The following POU6F2 variants were observed in gnomAD, a reference collection of about 807,000 sequenced individuals.
POU6F2 encodes the protein POU domain, class 6, transcription factor 2.
In POU6F2, 31 loss-of-function variants were observed where a neutral mutation model predicts 71.3. The ratio of observed to expected loss-of-function variants is 0.43; its 90% CI spans 0.33 to 0.59. The LOEUF (loss-of-function observed/expected upper bound fraction) is 0.59. Among genes scored for constraint, POU6F2 ranks in the 20% least tolerant of loss-of-function variants. The probability of loss-of-function intolerance (pLI) is 0.04; values close to 1 mark genes in which losing one functional copy is unlikely to be tolerated. For synonymous variants in POU6F2, 347 were observed against 355.7 expected (o/e 0.98, Z 0.27); for missense variants, 783 against 856.8 (o/e 0.91, Z 1.07).
chr7:39,049,357 A>G (rs1301351103), intron 1 of POU6F2, among the ~76,000 whole-genome samples: 1 of 151,964 alleles, frequency 6.6e-6, no homozygotes, highest in Non-Finnish European at 1.5e-5. Context: ...AATGCATGAT[A>G]TACATATTTT....
At chr7:39,060,219 A>AG (rs1290157620) in intron 1 of POU6F2, among the ~76,000 whole-genome samples, 1 of 152,070 alleles carries the variant, frequency 6.6e-6, no homozygotes, top group Non-Finnish European at 1.5e-5. Flanking sequence ...AAAAAAAAAA[A>AG]GAAGCCAAAC....
Position 39,256,414 on chromosome 7 carries a change from G to A in POU6F2, c.598+48794G>A, listed in dbSNP as rs371922668. Among the ~76,000 whole-genome samples, 13 of 152,250 alleles carry A rather than the reference G, an allele frequency of 8.5e-5. 1 individual carries two copies. The highest frequency in any genetic ancestry group is 4.6e-4 in the Admixed American group (7 of 15,302). ...AGGGACAGTACTAATTCTTTAGGGG[G>A]AAAGAGGTGAGCTGGGAAGATCAGA... On this transcript the variant is annotated intron_variant, in intron 4 of 9. Transcript: ENST00000518318.
At chr7:39,118,882 C>T (rs763818463) in intron 2 of POU6F2, among the ~76,000 whole-genome samples, 5 of 152,038 alleles carry the variant, frequency 3.3e-5, no homozygotes, top group African/African-American at 1.2e-4. Context: ...AACAAAAGGG[C>T]GTATATCAGG....
intron 1 of POU6F2, among the ~76,000 whole-genome samples, chr7:39,018,712 CA>C (rs1335670629): frequency 5.9e-5 from 9 of 151,948 alleles, no homozygotes; most frequent in African/African-American, 2.2e-4. Flanking sequence ...CACTATAAAA[CA>C]AAATAGAATA....
chr7:39,222,444 G>T (rs1290470818), intron 4 of POU6F2, among the ~76,000 whole-genome samples: 1 of 152,140 alleles, frequency 6.6e-6, no homozygotes, highest in Non-Finnish European at 1.5e-5. Flanking sequence ...ATTTTTAAGT[G>T]TACAGTTCTG....
At chr7:39,386,117 CAAAAAAAAAA>C (rs531818996) in intron 5 of POU6F2, among the ~76,000 whole-genome samples, 2 of 91,304 alleles carry the variant, frequency 2.2e-5, no homozygotes, top group Non-Finnish European at 4.6e-5. Flanking sequence ...GACTCCGTCT[CAAAAAAAAAA>C]AAAAAAAAGA....
rs953550918 is a variant in POU6F2 at position 39,296,532 on chromosome 7, G to T, written c.599-43110G>T. On this transcript the variant is annotated intron_variant, in intron 4 of 9. Coordinates refer to ENST00000518318, the MANE Select transcript of POU6F2 (RefSeq NM_001370959.1). ...CATTTTGTACCCTTGTAGCTCTTGG[G>T]ATAAAAGCCAAAATCCCTAAACACA... 2.6e-5 allele frequency among the ~76,000 whole-genome samples: 4 copies of T among 152,120 alleles called. No individual in the cohort carries two copies. In the South Asian group the frequency reaches 8.3e-4, roughly 32 times the overall value.
intron 4 of POU6F2, among the ~76,000 whole-genome samples, chr7:39,297,196 T>TACACACACACACACACACACACACACAC (rs61192418): frequency 2.2e-5 from 3 of 139,026 alleles, no homozygotes; most frequent in East Asian, 2.1e-4. Flanking sequence ...CACATACACA[T>TACACACACACACACACACACACACACAC]ACACACACAC....
At chr7:39,277,725 A>G (rs1032982807) in intron 4 of POU6F2, among the ~76,000 whole-genome samples, 1 of 151,884 alleles carries the variant, frequency 6.6e-6, no homozygotes, top group African/African-American at 2.4e-5. Flanking sequence ...TTAGGGGGAA[A>G]TTTTCCTAAG....
rs756841756 is a variant in POU6F2, at chr7:39,464,196, G to A, written c.1673G>A (p.Arg558Lys). The A allele has an allele frequency of 6.2e-7, 1 of 1,613,642 alleles. No homozygotes were observed. Among genetic ancestry groups the A allele is most frequent in the African/African-American group, 1.3e-5 (1 of 74,918 alleles). The change falls in exon 10 of 10, where the codon AGA becomes AAA. Residue 558 changes from arginine (R) to lysine (K), a missense_variant. This residue lies in a region of POU6F2 where 211 missense variants were observed against 283.9 expected (regional missense o/e 0.74). Coordinates refer to ENST00000518318, the MANE Select transcript of POU6F2 (RefSeq NM_001370959.1). This position sits in a 1 kb window ranked among gnomAD's most constrained non-coding sequence, Gnocchi z 4.1. ...TTCCCCCCCAGACACACCATCCTGA[G>A]AAGCCACTTTTTCCTACCACAGGAA... ...QSAICRHTIL[R>K]SHFFLPQEAQ...
At chr7:39,211,137 C>T (rs1584603994) in intron 4 of POU6F2, among the ~76,000 whole-genome samples, 2 of 152,266 alleles carry the variant, frequency 1.3e-5, no homozygotes. Context: ...ACCTAATCAA[C>T]TCCCAGAGGC....
At chr7:39,411,922 G>C (rs1434670678) in intron 6 of POU6F2, among the ~76,000 whole-genome samples, 1 of 152,206 alleles carries the variant, frequency 6.6e-6, no homozygotes, top group Non-Finnish European at 1.5e-5. Flanking sequence ...CCATCCCAAT[G>C]TCATCACTTT....
intron 1 of POU6F2, among the ~76,000 whole-genome samples, chr7:38,993,110 T>A (rs1788645156): frequency 6.6e-6 from 1 of 152,218 alleles, no homozygotes. Context: ...TGGACTATTT[T>A]TTATTTCTGT....
At chr7:39,120,907 G>T (rs1268442452) in intron 2 of POU6F2, 1 of 152,168 alleles carries the variant, frequency 6.6e-6, no homozygotes, top group African/African-American at 2.4e-5. Context: ...AAATTGGTAA[G>T]CCAGCAGTAT....
intron 1 of POU6F2, among the ~76,000 whole-genome samples, chr7:38,987,686 A>G (rs1206183483): frequency 1.1e-4 from 17 of 152,186 alleles, no homozygotes; most frequent in Non-Finnish European, 2.2e-4. Context: ...AGTGTACATT[A>G]TTGAAATATT....
chr7:39,405,576 AAAAT>A (rs1369943368), intron 5 of POU6F2, among the ~76,000 whole-genome samples: 3 of 152,234 alleles, frequency 2.0e-5, no homozygotes, highest in Admixed American at 1.3e-4. Flanking sequence ...TATGGGGAAA[AAAAT>A]AACACCCTAG....
At position 39,339,806 on chromosome 7, in the gene POU6F2, C is replaced by T; in HGVS notation, c.763C>T (p.Gln255Ter). The stretch of plus-strand genomic sequence containing the variant: ...GCAGCCGCTGCAGCCCACCCCACCC[C>T]AGCAGCCACCACCCGCCTCTCAGCA... ...QQQPLQPTPPQQPPPASQQPP... is the reference protein window; with the variant it reads ...QQQPLQPTPP The change falls in exon 5 of 10, where the codon CAG becomes TAG. Residue 255 changes from glutamine to a stop codon, truncating the protein, a stop_gained. Coordinates refer to ENST00000518318, the MANE Select transcript of POU6F2 (RefSeq NM_001370959.1). LOFTEE classifies it high-confidence loss of function. The T allele has an allele frequency of 6.4e-7, 1 of 1,571,796 alleles. No homozygotes were observed. Among genetic ancestry groups the T allele is most frequent in the Non-Finnish European group, 8.6e-7 (1 of 1,159,012 alleles).
intron 2 of POU6F2, among the ~76,000 whole-genome samples, chr7:39,153,234 A>G (rs781021729): frequency 6.6e-6 from 1 of 152,136 alleles, no homozygotes; most frequent in Non-Finnish European, 1.5e-5. Context: ...TTGAAGAGCA[A>G]TACTGAGCAT....
intron 4 of POU6F2, among the ~76,000 whole-genome samples, chr7:39,277,718 G>C (rs1480334928): frequency 6.6e-6 from 1 of 151,982 alleles, no homozygotes; most frequent in African/African-American, 2.4e-5. Context: ...GAAGTGGTTA[G>C]GGGGAAATTT....
Sources: gnomAD v4.1 joint callset for allele counts (sites outside exome capture counted in the v4.1 genomes callset) on GRCh38, gnomAD v4.1.1 for gene constraint, gnomAD v4.1.1 regional missense constraint, Gnocchi (gnomAD v3.1) non-coding constraint, MANE v1.5 for transcripts, NCBI Gene and HGNC (gene_info 2026-07-23, HGNC 2026-07-21) for gene names.